Variants in LRRC71 observed in about 807,000 individuals in gnomAD.
LRRC71 encodes the protein leucine-rich repeat-containing protein 71.
Under a neutral mutation model 66.6 loss-of-function variants are expected in LRRC71, and 54 were observed. The ratio of observed to expected loss-of-function variants is 0.81; its 90% confidence interval spans 0.65 to 1.02. The LOEUF (loss-of-function observed/expected upper bound fraction) is 1.02, where lower values mean the gene tolerates loss of function less well. Among genes scored for constraint, LRRC71 ranks in the 50% least tolerant of loss-of-function variants. The probability of loss-of-function intolerance (pLI) is 0.00; values close to 1 mark genes in which losing one functional copy is unlikely to be tolerated. For synonymous variants in LRRC71, 323 were observed against 303.9 expected (o/e 1.06, Z -0.65); for missense variants, 724 against 718.0 (o/e 1.01, Z -0.10).
intron 13 of LRRC71, 146 bp from the exon 14 acceptor site, chr1:156,932,278 G>A: frequency 1.4e-6 from 1 of 700,768 alleles, no homozygotes; most frequent in Non-Finnish European, 2.5e-6. Context: ...AGAGCTGAGT[G>A]AAGGGCTAGG....
At chr1:156,927,337 C>G in intron 6 of LRRC71, 67 bp downstream of exon 6, 1 of 1,574,942 alleles carries the variant, frequency 6.3e-7, no homozygotes. Flanking sequence ...TTTTTAGTCC[C>G]CGCCCTTCCT....
At chr1:156,940,382 C>A in the LRRC71 span, 7 of 1,612,816 alleles carry the variant, frequency 4.3e-6, no homozygotes, top group Non-Finnish European at 5.9e-6. Context: ...GGTCCTCTAG[C>A]AGGACCTGGT....
chr1:156,922,309 G>A (rs1436633431), intron 1 of LRRC71, among the ~76,000 whole-genome samples: 3 of 152,128 alleles, frequency 2.0e-5, no homozygotes, highest in Non-Finnish European at 4.4e-5. Context: ...AGGGAAACCT[G>A]AGCAGCCAGC....
chr1:156,932,086 C>A, intron 13 of LRRC71, 59 bp downstream of exon 13: 1 of 1,374,446 alleles, frequency 7.3e-7, no homozygotes, highest in Non-Finnish European at 1.0e-6. Context: ...CCTGTCCTGC[C>A]TGAGGGTGTT....
At position 156,927,947 on chromosome 1, in the gene LRRC71, A is replaced by G. The variant is rs752421834; in HGVS notation, c.939A>G (p.Glu313=). ...VLRAFELTHT[E]VVERRRLLLE... is the part of the protein sequence containing the mutation. ...GCGCCTTCGAGCTGACACACACCGA[A>G]GTGGTGGAGCGCCGACGCCTCCTGC... Residue 313 remains glutamate (E), a synonymous_variant, in exon 9 of 15, where the codon GAA becomes GAG. Coordinates refer to ENST00000337428, the MANE Select transcript of LRRC71 (RefSeq NM_144702.3). The G allele has an allele frequency of 7.4e-6, 12 of 1,611,814 alleles. No individual in the cohort carries two copies. Among genetic ancestry groups the G allele is most frequent in the Admixed American group, 1.7e-5 (1 of 59,810 alleles).
intron 9 of LRRC71, among the ~76,000 whole-genome samples, chr1:156,928,348 T>TTC (rs1557788701): frequency 5.4e-5 from 8 of 148,932 alleles, no homozygotes; most frequent in African/African-American, 2.0e-4. Context: ...TTCTTCTTTC[T>TTC]TTCTCTTCTT....
chr1:156,936,944 G>A (rs373310420), downstream of LRRC71: 24 of 1,613,964 alleles, frequency 1.5e-5, no homozygotes, highest in Non-Finnish European at 1.9e-5. Context: ...CACAGGCGTG[G>A]TGCCACCAGA....
chr1:156,928,134 C>T, intron 9 of LRRC71, 130 bp downstream of exon 9: 1 of 903,958 alleles, frequency 1.1e-6, no homozygotes, highest in Non-Finnish European at 1.7e-6. Flanking sequence ...ACTGTCTTTC[C>T]CTCCGATTTC....
In LRRC71 at chr1:156,920,675, G is replaced by GTCGGAT. The variant is rs1334707059; in HGVS notation, c.-128_-123dup. 2.2e-5 allele frequency: 26 copies of GTCGGAT among 1,191,554 alleles called. No individual in the cohort carries two copies. Among genetic ancestry groups the GTCGGAT allele is most frequent in the Non-Finnish European group, 2.7e-5 (25 of 918,666 alleles). 73.8% of individuals were successfully genotyped at this position (1,191,554 alleles called of 1,614,324 possible). Reference sequence around the variant, plus strand: ...GCGTAGGCTACGCCACCGCGGACGGGTCGGATCCGGTCCCTGGACGCGGAA... The same window carrying GTCGGAT: ...GCGTAGGCTACGCCACCGCGGACGGGTCGGATTCGGATCCGGTCCCTGGACGCGGAA... On this transcript the variant is annotated 5_prime_UTR_variant, in exon 1 of 15. Coordinates refer to ENST00000337428, the MANE Select transcript of LRRC71 (RefSeq NM_144702.3). The surrounding 1 kb of genome is among the most constrained non-coding windows in gnomAD (Gnocchi z 4.9).
intron 9 of LRRC71, among the ~76,000 whole-genome samples, chr1:156,928,494 T>C (rs956810494): frequency 2.8e-5 from 4 of 143,290 alleles, no homozygotes; most frequent in Non-Finnish European, 4.6e-5. Flanking sequence ...CCTCCTCCTC[T>C]TCTTCCTCCT....
intron 11 of LRRC71, 44 bp downstream of exon 11, chr1:156,929,773 G>A (rs1017402965): frequency 6.6e-7 from 1 of 1,505,188 alleles, no homozygotes; most frequent in Non-Finnish European, 9.0e-7. Flanking sequence ...GTGTGGAGGA[G>A]GGAAGAGTGC....
At chr1:156,925,066 G>C in intron 5 of LRRC71, 51 bp downstream of exon 5, 1 of 1,523,010 alleles carries the variant, frequency 6.6e-7, no homozygotes, top group Middle Eastern at 1.7e-4. Flanking sequence ...CTGGGCGGGT[G>C]GTCAGAGGGG....
At chr1:156,936,312 C>A, downstream of LRRC71, 1 of 656,178 alleles carries the variant, frequency 1.5e-6, no homozygotes, top group Non-Finnish European at 2.9e-6. Flanking sequence ...CCTGGCCCAC[C>A]CAGTGTGGTT....
intron 13 of LRRC71, 98 bp from the exon 14 acceptor site, chr1:156,932,325 TG>T: frequency 1.0e-6 from 1 of 955,678 alleles, no homozygotes; most frequent in Non-Finnish European, 1.6e-6. Context: ...GAGTCTGGAG[TG>T]GGGAGCTGGA....
At chr1:156,931,877 C>T in intron 12 of LRRC71, 39 bp from the exon 13 acceptor site, 1 of 1,473,092 alleles carries the variant, frequency 6.8e-7, no homozygotes, top group Non-Finnish European at 9.3e-7. Context: ...TTGACCAGCT[C>T]CCCTGCTGTC....
downstream of LRRC71, chr1:156,935,849 G>A (rs949330238): frequency 2.2e-5 from 18 of 832,798 alleles, no homozygotes; most frequent in Admixed American, 1.5e-4. Context: ...AGCAACATGC[G>A]GGTCTCCCCC....
chr1:156,936,197 G>C (rs1321049002), downstream of LRRC71: 3 of 906,888 alleles, frequency 3.3e-6, no homozygotes, highest in East Asian at 7.2e-5. Flanking sequence ...TTTCTCGTAG[G>C]GCTTGAAAAG....
the LRRC71 span, chr1:156,939,206 C>A: frequency 3.2e-6 from 1 of 308,902 alleles, no homozygotes; most frequent in South Asian, 3.2e-5. Flanking sequence ...TCCCTGGGAA[C>A]AGGAGATCAG....
downstream of LRRC71, chr1:156,936,126 G>C (rs773707550): frequency 1.3e-6 from 2 of 1,495,470 alleles, no homozygotes; most frequent in African/African-American, 1.4e-5. Context: ...GTTTTGTCTA[G>C]AAAGTTCAGG....
Sources: allele counts gnomAD v4.1 joint callset (sites outside exome capture counted in the v4.1 genomes callset), GRCh38; gene constraint gnomAD v4.1.1; non-coding constraint Gnocchi (gnomAD v3.1); transcripts MANE v1.5; gene names NCBI Gene and HGNC (gene_info 2026-07-23, HGNC 2026-07-21).